The following LDHC variants were observed in gnomAD, a reference collection of about 807,000 sequenced individuals.
LDHC encodes the protein lactate dehydrogenase C, also known as L-lactate dehydrogenase C chain.
A neutral mutation model predicts 30.2 loss-of-function variants in LDHC; 20 were observed. The ratio of observed to expected loss-of-function variants is 0.66; its 90% CI spans 0.47 to 0.96. The LOEUF is 0.96. LDHC is among the 40% of genes least tolerant of loss of function. The pLI, the probability that LDHC is intolerant of heterozygous loss-of-function variation, is 0.00. For missense variants in LDHC, 362 were observed against 394.9 expected, an observed-to-expected ratio of 0.92 and a Z score of 0.71; for synonymous variants, 139 against 132.7, an observed-to-expected ratio of 1.05 and a Z score of -0.32.
intron 3 of LDHC, among the ~76,000 whole-genome samples, chr11:18,417,370 A>C (rs2134046653): frequency 6.6e-6 from 1 of 152,310 alleles, no homozygotes; most frequent in South Asian, 2.1e-4. Context: ...TTCATGAAGC[A>C]GTCTGGTTAT....
rs115333489 is a variant in LDHC, at chr11:18,441,625, C to T, written c.710+2980C>T. Among the ~76,000 whole-genome samples the T allele has an allele frequency of 3.8e-3, 557 of 146,124 alleles. 8 individuals are homozygous for T. Among genetic ancestry groups the T allele is most frequent in the African/African-American group, 0.013 (537 of 40,420 alleles). On this transcript the variant is annotated intron_variant, in intron 6 of 7. Transcript: ENST00000541669. ...CGGCCCTTTAGAAGATATTTCAATG[C>T]GGCTGGGCGTGGTGGCTCATGCCTG...
intron 7 of LDHC, among the ~76,000 whole-genome samples, chr11:18,448,518 A>G (rs1308054054): frequency 1.3e-5 from 2 of 152,128 alleles, no homozygotes; most frequent in Non-Finnish European, 2.9e-5. Context: ...CGTGACCTGA[A>G]GCGATCCAAC....
At chr11:18,431,739 C>T (rs762353640) in intron 4 of LDHC, among the ~76,000 whole-genome samples, 5 of 151,844 alleles carry the variant, frequency 3.3e-5, no homozygotes, top group African/African-American at 9.7e-5. Context: ...TTAGTAAAGA[C>T]GAGGTTACAC....
chr11:18,441,203 C>T (rs1565056595), intron 6 of LDHC, among the ~76,000 whole-genome samples: 1 of 151,708 alleles, frequency 6.6e-6, no homozygotes, highest in African/African-American at 2.4e-5. Context: ...TCAGACTGTC[C>T]GACTCACAGG....
chr11:18,415,451 TGA>T (rs551459153), intron 3 of LDHC, 150 bp downstream of exon 3: 225 of 551,700 alleles, frequency 4.1e-4, no homozygotes, highest in Middle Eastern at 2.5e-3. Context: ...TTTTGTTTTT[TGA>T]GAGAGTCTCA....
In LDHC at chr11:18,420,835, C is replaced by T. The variant is rs2403280; in HGVS notation, c.244+5534C>T. On this transcript the variant is annotated intron_variant, in intron 3 of 7. Coordinates refer to ENST00000541669, the MANE Select transcript of LDHC (RefSeq NM_017448.5). ...ACAGAGAAAATGGTAAATATGAAGGCAAATCTAAATAAATATCAATTGTAT... is the reference window on the plus strand; with the variant it reads ...ACAGAGAAAATGGTAAATATGAAGGTAAATCTAAATAAATATCAATTGTAT... Among the ~76,000 whole-genome samples, 56 of 151,616 alleles carry T rather than the reference C, an allele frequency of 3.7e-4. 1 individual carries two copies. The highest frequency in any genetic ancestry group is 1.3e-3 in the African/African-American group (54 of 41,292).
At chr11:18,432,176 T>C (rs546755396) in intron 4 of LDHC, among the ~76,000 whole-genome samples, 62 of 152,318 alleles carry the variant, frequency 4.1e-4, no homozygotes, top group African/African-American at 1.5e-3. Context: ...TTACTGTCAT[T>C]CGATTAGAAG....
At chr11:18,425,135 G>A (rs761823632) in intron 3 of LDHC, among the ~76,000 whole-genome samples, 1 of 152,130 alleles carries the variant, frequency 6.6e-6, no homozygotes, top group African/African-American at 2.4e-5. Context: ...TTAGAGGCAT[G>A]CAGGGGCTTC....
chr11:18,448,068 A>T (rs1446304348), intron 7 of LDHC, among the ~76,000 whole-genome samples: 1 of 150,076 alleles, frequency 6.7e-6, no homozygotes, highest in Non-Finnish European at 1.5e-5. Flanking sequence ...AAAAAAAAAA[A>T]AGATTTGGAA....
intron 3 of LDHC, among the ~76,000 whole-genome samples, chr11:18,421,588 G>A (rs941523944): frequency 1.2e-4 from 18 of 151,006 alleles, no homozygotes; most frequent in African/African-American, 4.4e-4. Flanking sequence ...CAGGAGAATC[G>A]CTTTAACCTG....
chr11:18,433,511 G>T (rs1203999346), intron 4 of LDHC, among the ~76,000 whole-genome samples: 1 of 152,108 alleles, frequency 6.6e-6, no homozygotes, highest in Non-Finnish European at 1.5e-5. Flanking sequence ...AATTCTCTCA[G>T]CATTTGTTTG....
rs141187582 is a variant in LDHC at position 18,414,553 on chromosome 11, C to T, written c.127-631C>T. ...TAAATATAATAAAATCCTGGCCGGG[C>T]GCAGTGGCTCAGGCCTGTAATCCCA... On this transcript the variant is annotated intron_variant, in intron 2 of 7. Coordinates refer to ENST00000541669, the MANE Select transcript of LDHC (RefSeq NM_017448.5). 3.3e-3 allele frequency among the ~76,000 whole-genome samples: 507 copies of T among 152,228 alleles called. 5 individuals are homozygous for T. The highest frequency in any genetic ancestry group is 0.012 in the African/African-American group (485 of 41,544).
chr11:18,438,459 C>A (rs1848396727), intron 5 of LDHC, 69 bp from the exon 6 acceptor site: 1 of 989,228 alleles, frequency 1.0e-6, no homozygotes, highest in Admixed American at 1.9e-5. Context: ...CTTAAAAAAA[C>A]AACACTGAAC....
At chr11:18,445,966 G>A (rs1257547463) in intron 6 of LDHC, among the ~76,000 whole-genome samples, 6 of 152,118 alleles carry the variant, frequency 3.9e-5, no homozygotes, top group African/African-American at 1.4e-4. Context: ...AAGGAAGCAA[G>A]ACCCTGTCTC....
At chr11:18,447,960 A>G (rs1406322768) in intron 7 of LDHC, among the ~76,000 whole-genome samples, 3 of 151,224 alleles carry the variant, frequency 2.0e-5, no homozygotes, top group African/African-American at 7.3e-5. Flanking sequence ...GAGACAAGAG[A>G]ATTGCTTGAA....
chr11:18,428,527 A>T (rs1045163818), intron 3 of LDHC, among the ~76,000 whole-genome samples: 2 of 151,920 alleles, frequency 1.3e-5, no homozygotes, highest in Non-Finnish European at 2.9e-5. Context: ...ATTTTAACTA[A>T]TTTTTTACAT....
intron 6 of LDHC, among the ~76,000 whole-genome samples, chr11:18,439,080 A>G (rs1299911689): frequency 6.6e-6 from 1 of 152,232 alleles, no homozygotes; most frequent in East Asian, 1.9e-4. Context: ...TGCTAGAACC[A>G]TGCCAAGAAC....
chr11:18,449,531 TGACAGTCTGAAAA>T (rs1451886992), intron 7 of LDHC, among the ~76,000 whole-genome samples: 1 of 149,402 alleles, frequency 6.7e-6, no homozygotes, highest in African/African-American at 2.5e-5. Context: ...GAATGTGGGT[TGACAGTCTGAAAA>T]GACAGTGGCT....
chr11:18,450,329 A>G (rs1383632951), intron 7 of LDHC: 1 of 152,654 alleles, frequency 6.6e-6, no homozygotes, highest in Non-Finnish European at 1.5e-5. Flanking sequence ...TCATGGCCCT[A>G]TCCATGATGG....
Sources: gnomAD v4.1 joint callset for allele counts (sites outside exome capture counted in the v4.1 genomes callset) on GRCh38, gnomAD v4.1.1 for gene constraint, MANE v1.5 for transcripts, NCBI Gene and HGNC (gene_info 2026-07-23, HGNC 2026-07-21) for gene names.